The following GRID1 variants were observed in gnomAD, a reference collection of about 807,000 sequenced individuals.
GRID1 encodes the protein glutamate receptor ionotropic, delta-1.
A neutral mutation model predicts 98.0 loss-of-function variants in GRID1; 28 were observed. That is an observed-to-expected ratio of 0.29 (90% CI 0.21 to 0.39). GRID1 has a LOEUF of 0.39. Among genes scored for constraint, GRID1 ranks in the 10% least tolerant of loss-of-function variants. The pLI, the probability that GRID1 is intolerant of heterozygous loss-of-function variation, is 1.00. For synonymous variants in GRID1, 553 were observed against 538.5 expected (o/e 1.03, Z -0.37); for missense variants, 1,111 against 1,340.5 (o/e 0.83, Z 2.67).
chr10:85,690,080 T>G (rs951577046), intron 12 of GRID1, among the ~76,000 whole-genome samples: 4 of 152,168 alleles, frequency 2.6e-5, no homozygotes, highest in African/African-American at 4.8e-5. Flanking sequence ...CATTATCTTA[T>G]GGAGAAAGGT....
intron 4 of GRID1, among the ~76,000 whole-genome samples, chr10:86,126,227 G>T (rs1035501940): frequency 6.6e-6 from 1 of 152,096 alleles, no homozygotes; most frequent in East Asian, 1.9e-4. Flanking sequence ...AGGCCAAGGC[G>T]GGTGGATCAT....
At chr10:86,029,680 T>G (rs893449944) in intron 4 of GRID1, among the ~76,000 whole-genome samples, 16 of 152,082 alleles carry the variant, frequency 1.1e-4, no homozygotes, top group Non-Finnish European at 5.9e-5. Flanking sequence ...AGACTAACCT[T>G]GCTTATTCTT....
intron 4 of GRID1, among the ~76,000 whole-genome samples, chr10:86,122,620 T>C (rs796720357): frequency 3.8e-4 from 58 of 152,358 alleles, no homozygotes; most frequent in African/African-American, 1.4e-3. Flanking sequence ...AAGCTAAAAG[T>C]AGCCAGATTT....
chr10:85,649,361 C>T (rs538378684), intron 12 of GRID1, among the ~76,000 whole-genome samples: 5 of 152,064 alleles, frequency 3.3e-5, no homozygotes, highest in Non-Finnish European at 5.9e-5. Flanking sequence ...ATAACAAATT[C>T]GATGAAGAAA....
chr10:86,226,797 C>A (rs1471784008), intron 2 of GRID1, among the ~76,000 whole-genome samples: 1 of 150,984 alleles, frequency 6.6e-6, no homozygotes, highest in Non-Finnish European at 1.5e-5. Flanking sequence ...CCTCCCCTCA[C>A]CCGCAGCCCC....
At chr10:86,193,899 T>C (rs1845838906) in intron 3 of GRID1, among the ~76,000 whole-genome samples, 1 of 151,970 alleles carries the variant, frequency 6.6e-6, no homozygotes, top group Non-Finnish European at 1.5e-5. Flanking sequence ...CTGCAGATAA[T>C]TCAATCCTCA....
At chr10:85,765,419 G>A (rs926394625) in intron 8 of GRID1, among the ~76,000 whole-genome samples, 2 of 152,162 alleles carry the variant, frequency 1.3e-5, no homozygotes, top group Admixed American at 6.5e-5. Flanking sequence ...TAGGATACAA[G>A]TTGAGCACCT....
chr10:85,907,256 G>A (rs1841475507), intron 5 of GRID1, among the ~76,000 whole-genome samples: 1 of 152,028 alleles, frequency 6.6e-6, no homozygotes, highest in African/African-American at 2.4e-5. Context: ...GGATTACAGG[G>A]GTGTATCACC....
intron 8 of GRID1, among the ~76,000 whole-genome samples, chr10:85,767,040 T>C (rs1439936035): frequency 6.6e-6 from 1 of 152,158 alleles, no homozygotes; most frequent in East Asian, 1.9e-4. Flanking sequence ...CAAATCCACG[T>C]CTGTCATTGT....
intron 4 of GRID1, among the ~76,000 whole-genome samples, chr10:86,046,756 T>A (rs1463610905): frequency 6.6e-6 from 1 of 151,814 alleles, no homozygotes; most frequent in Non-Finnish European, 1.5e-5. Flanking sequence ...CTCTGGACAA[T>A]TATCCCTACA....
chr10:86,356,974 GAGTCT>G (rs1848541486), intron 2 of GRID1, among the ~76,000 whole-genome samples: 1 of 152,258 alleles, frequency 6.6e-6, no homozygotes, highest in Admixed American at 6.5e-5. Context: ...TTGGGAAAGA[GAGTCT>G]GTCTGCCATT....
intron 8 of GRID1, among the ~76,000 whole-genome samples, chr10:85,769,251 T>C (rs147836262): frequency 1.3e-3 from 192 of 152,272 alleles, no homozygotes; most frequent in Non-Finnish European, 2.2e-3. Flanking sequence ...AGCAAATTAA[T>C]ACCAGAACAG....
chr10:85,694,566 A>G (rs1184383587), intron 12 of GRID1, among the ~76,000 whole-genome samples: 1,301 of 28,046 alleles, frequency 0.046, 43 homozygotes, highest in Non-Finnish European at 0.055. Flanking sequence ...ATATATATAT[A>G]TATATATATA....
intron 4 of GRID1, among the ~76,000 whole-genome samples, chr10:86,048,339 T>C (rs1390985947): frequency 6.6e-6 from 1 of 152,154 alleles, no homozygotes; most frequent in Non-Finnish European, 1.5e-5. Flanking sequence ...GCCACTCCCT[T>C]GGGATTGTGA....
At chr10:86,215,757 C>T (rs1846168381) in intron 2 of GRID1, among the ~76,000 whole-genome samples, 1 of 152,196 alleles carries the variant, frequency 6.6e-6, no homozygotes, top group South Asian at 2.1e-4. Flanking sequence ...TATTCCTCCC[C>T]TATCAGCCAA....
chr10:85,932,082 T>C (rs1252019739), intron 4 of GRID1, among the ~76,000 whole-genome samples: 1 of 152,250 alleles, frequency 6.6e-6, no homozygotes, highest in African/African-American at 2.4e-5. Context: ...CTGGGCTTTC[T>C]GGAGTTTCTG....
At chr10:86,320,163 G>A (rs1460313144) in intron 2 of GRID1, among the ~76,000 whole-genome samples, 1 of 152,222 alleles carries the variant, frequency 6.6e-6, no homozygotes, top group African/African-American at 2.4e-5. Context: ...TAGCCCTGCT[G>A]GGAACGAAAT....
intron 2 of GRID1, among the ~76,000 whole-genome samples, chr10:86,334,894 G>A (rs1182719915): frequency 6.6e-6 from 1 of 152,242 alleles, no homozygotes; most frequent in African/African-American, 2.4e-5. Flanking sequence ...AGCCAGCGGT[G>A]CTGGCAGGTA....
At chr10:86,342,731 C>G (rs1848328081) in intron 2 of GRID1, among the ~76,000 whole-genome samples, 1 of 152,240 alleles carries the variant, frequency 6.6e-6, no homozygotes, top group Non-Finnish European at 1.5e-5. Context: ...GAGCTACCCC[C>G]TCCATGGCAG....
Sources: allele counts gnomAD v4.1 joint callset (sites outside exome capture counted in the v4.1 genomes callset), GRCh38; gene constraint gnomAD v4.1.1; transcripts MANE v1.5; gene names NCBI Gene and HGNC (gene_info 2026-07-23, HGNC 2026-07-21).